PHACTR3: variants seen among roughly 807,000 people sequenced by gnomAD.
PHACTR3 encodes the protein protein phosphatase 1, regulatory subunit 123.
In PHACTR3, 16 loss-of-function variants were observed where a neutral mutation model predicts 66.8. The ratio of observed to expected loss-of-function variants is 0.24; its 90% CI spans 0.16 to 0.36. The LOEUF (loss-of-function observed/expected upper bound fraction) is 0.36, where lower values mean the gene tolerates loss of function less well. Among genes scored for constraint, PHACTR3 ranks in the 10% least tolerant of loss-of-function variants. The probability of loss-of-function intolerance (pLI) is 1.00; values close to 1 mark genes in which losing one functional copy is unlikely to be tolerated. For synonymous variants in PHACTR3, 323 were observed against 292.1 expected (o/e 1.11, Z -1.08); for missense variants, 647 against 719.9 (o/e 0.90, Z 1.16).
intron 8 of PHACTR3, among the ~76,000 whole-genome samples, chr20:59,828,912 T>C (rs899463044): frequency 2.0e-5 from 3 of 151,916 alleles, no homozygotes; most frequent in African/African-American, 7.3e-5. Context: ...GTGGCCTGGA[T>C]CAGGGAAGTG....
intron 1 of PHACTR3, among the ~76,000 whole-genome samples, chr20:59,729,765 G>A (rs987899016): frequency 6.6e-6 from 1 of 152,182 alleles, no homozygotes; most frequent in Non-Finnish European, 1.5e-5. Context: ...AATCACCAGA[G>A]GAACCAGGCC....
intron 8 of PHACTR3, 86 bp downstream of exon 8, chr20:59,806,280 C>G: frequency 1.3e-6 from 2 of 1,514,070 alleles, no homozygotes; most frequent in South Asian, 2.6e-5. Context: ...CTGGGTGTGC[C>G]AGGCCGGGAC....
chr20:59,661,686 G>T (rs1210992607), intron 1 of PHACTR3, among the ~76,000 whole-genome samples: 10 of 151,664 alleles, frequency 6.6e-5, no homozygotes, highest in Non-Finnish European at 1.2e-4. Context: ...TGTGGCCAGA[G>T]ATGCCAATAC....
At chr20:59,825,629 TG>T (rs1282315553) in intron 8 of PHACTR3, among the ~76,000 whole-genome samples, 1 of 152,178 alleles carries the variant, frequency 6.6e-6, no homozygotes, top group Non-Finnish European at 1.5e-5. Context: ...GAGCAACCTG[TG>T]CAGAAAGGAG....
At chr20:59,628,571 C>T in intron 1 of PHACTR3, 1 of 969,530 alleles carries the variant, frequency 1.0e-6, no homozygotes, top group Non-Finnish European at 1.2e-6. Flanking sequence ...GAGAGGCGAG[C>T]CCTGTTCTCT....
chr20:59,841,281 T>C (rs2059055998), intron 10 of PHACTR3, 114 bp from the exon 11 acceptor site: 7 of 1,078,798 alleles, frequency 6.5e-6, no homozygotes, highest in South Asian at 3.5e-5. Flanking sequence ...TATTTTCCAG[T>C]TTCAGGTTTT....
chr20:59,722,746 A>G (rs1360944562), intron 1 of PHACTR3, among the ~76,000 whole-genome samples: 1 of 151,866 alleles, frequency 6.6e-6, no homozygotes, highest in African/African-American at 2.4e-5. Flanking sequence ...AGGGGCAGCC[A>G]TGGCGGAAGA....
intron 8 of PHACTR3, among the ~76,000 whole-genome samples, chr20:59,811,619 A>G (rs1385426975): frequency 2.0e-5 from 3 of 150,124 alleles, no homozygotes; most frequent in Non-Finnish European, 3.0e-5. Context: ...AGATCATGCT[A>G]TTGTACTCCA....
intron 8 of PHACTR3, among the ~76,000 whole-genome samples, chr20:59,809,182 G>A (rs1038662071): frequency 6.6e-6 from 1 of 152,118 alleles, no homozygotes; most frequent in African/African-American, 2.4e-5. Flanking sequence ...GTGTTTTCAC[G>A]GTGGAGGGCC....
chr20:59,749,406 G>A (rs544812854), intron 3 of PHACTR3, among the ~76,000 whole-genome samples: 6 of 152,184 alleles, frequency 3.9e-5, no homozygotes, highest in Non-Finnish European at 7.3e-5. Context: ...TTCTAGGAGC[G>A]TTGGCTTTTT....
chr20:59,591,713 C>A (rs1052425276), intron 1 of PHACTR3, among the ~76,000 whole-genome samples: 44 of 152,128 alleles, frequency 2.9e-4, no homozygotes, highest in Admixed American at 6.5e-4. Context: ...CCAGACCCTT[C>A]GCCCATGGCC....
intron 5 of PHACTR3, among the ~76,000 whole-genome samples, chr20:59,768,673 C>T (rs921795327): frequency 9.2e-5 from 14 of 152,214 alleles, no homozygotes; most frequent in African/African-American, 3.1e-4. Context: ...GGCATGAGCT[C>T]GGGAGGGCTG....
chr20:59,807,030 G>A (rs1361894301), intron 8 of PHACTR3, among the ~76,000 whole-genome samples: 1 of 152,232 alleles, frequency 6.6e-6, no homozygotes, highest in East Asian at 1.9e-4. Flanking sequence ...TGAGTCCCGA[G>A]TGAGCAGTGA....
rs564991884 is a variant in PHACTR3, at chr20:59,730,846, G to A, written c.119-12261G>A. Among the ~76,000 whole-genome samples the A allele has an allele frequency of 3.3e-5, 5 of 152,288 alleles. No individual in the cohort carries two copies. In the South Asian group the frequency reaches 1.0e-3, roughly 32 times the overall value. On this transcript the variant is annotated intron_variant, in intron 1 of 12. Transcript: ENST00000371015. ...TGCTTCACACTACAGCAGCAGAGCTGAGTGGCGGCAGCAGAGACTGTGTGG... is the reference window on the plus strand; with the variant it reads ...TGCTTCACACTACAGCAGCAGAGCTAAGTGGCGGCAGCAGAGACTGTGTGG...
intron 1 of PHACTR3, among the ~76,000 whole-genome samples, chr20:59,617,248 T>TA (rs1345165707): frequency 2.6e-5 from 4 of 151,844 alleles, no homozygotes; most frequent in Non-Finnish European, 5.9e-5. Context: ...CATGTTCCCA[T>TA]AAAAAAATTA....
chr20:59,700,789 G>GT (rs151247514), intron 1 of PHACTR3, among the ~76,000 whole-genome samples: 6 of 151,826 alleles, frequency 4.0e-5, no homozygotes, highest in Non-Finnish European at 7.4e-5. Context: ...TTTTTGTTTT[G>GT]TTTTTTTGTT....
In PHACTR3 at chr20:59,704,454, G is replaced by A. The variant is rs557622858; in HGVS notation, c.119-38653G>A. Reference sequence around the variant, plus strand: ...ATTATTTTCTTCTGGCTTTCTTGTAGGTTCCTTTTCTTTCCACTTCAGCTC... The same window carrying A: ...ATTATTTTCTTCTGGCTTTCTTGTAAGTTCCTTTTCTTTCCACTTCAGCTC... On this transcript the variant is annotated intron_variant, in intron 1 of 12. Coordinates refer to ENST00000371015, the MANE Select transcript of PHACTR3 (RefSeq NM_080672.5). Among the ~76,000 whole-genome samples, 15 of 151,900 alleles carry A rather than the reference G, an allele frequency of 9.9e-5. No homozygotes were observed. The East Asian group carries it at 2.5e-3, about 25-fold the overall frequency.
At chr20:59,751,549 G>A (rs1333403579) in intron 3 of PHACTR3, among the ~76,000 whole-genome samples, 2 of 152,138 alleles carry the variant, frequency 1.3e-5, no homozygotes, top group East Asian at 1.9e-4. Context: ...GGAGTGAGCC[G>A]GACTCTGGGC....
At chr20:59,811,581 C>T (rs1302826595) in intron 8 of PHACTR3, among the ~76,000 whole-genome samples, 1 of 152,062 alleles carries the variant, frequency 6.6e-6, no homozygotes, top group Admixed American at 6.5e-5. Context: ...ATCGCTTGAA[C>T]CTGGGAGGCA....
Sources: allele counts gnomAD v4.1 joint callset (sites outside exome capture counted in the v4.1 genomes callset), GRCh38; gene constraint gnomAD v4.1.1; transcripts MANE v1.5; gene names NCBI Gene and HGNC (gene_info 2026-07-23, HGNC 2026-07-21).